Variants in RABGAP1 observed in about 807,000 individuals in gnomAD.
RABGAP1 encodes RAB GTPase activating protein 1, also known as rab GTPase-activating protein 1.
In RABGAP1, 23 loss-of-function variants were observed where a neutral mutation model predicts 137.6. The ratio of observed to expected loss-of-function variants is 0.17; its 90% CI spans 0.12 to 0.24. The LOEUF (loss-of-function observed/expected upper bound fraction) is 0.24, where lower values mean the gene tolerates loss of function less well. Among genes scored for constraint, RABGAP1 ranks in the 10% least tolerant of loss-of-function variants. The probability of loss-of-function intolerance (pLI) is 1.00; values close to 1 mark genes in which losing one functional copy is unlikely to be tolerated. For missense variants in RABGAP1, 906 were observed against 1,275.8 expected, an observed-to-expected ratio of 0.71 and a Z score of 4.42; for synonymous variants, 451 against 450.7, an observed-to-expected ratio of 1.00 and a Z score of -0.01.
rs1036620976 is a variant in RABGAP1, at chr9:123,098,741, C to T, written c.2760C>T (p.Leu920=). The T allele has an allele frequency of 4.3e-6, 7 of 1,613,768 alleles. No homozygotes were observed. In the South Asian group the frequency reaches 4.4e-5, roughly 10 times the overall value. The change falls in exon 23 of 26, where the codon CTC becomes CTT. Residue 920 remains leucine, a synonymous_variant. Coordinates refer to ENST00000373647, the MANE Select transcript of RABGAP1 (RefSeq NM_012197.4). The stretch of plus-strand genomic sequence containing the variant: ...TAAAAGAAATGTGCCGTCGGGAACT[C>T]GACAAGGCAGAATCTGAGATTAAAA... ...AQLKEMCRRE[L]DKAESEIKKN...
At chr9:122,948,530 T>C (rs774490197) in intron 1 of RABGAP1, among the ~76,000 whole-genome samples, 2 of 152,198 alleles carry the variant, frequency 1.3e-5, no homozygotes, top group Non-Finnish European at 2.9e-5. Context: ...GTTCGTACCA[T>C]GTTGGGCATA....
chr9:123,085,853 A>G (rs2034846892), intron 19 of RABGAP1, among the ~76,000 whole-genome samples: 1 of 152,264 alleles, frequency 6.6e-6, no homozygotes, highest in Non-Finnish European at 1.5e-5. Flanking sequence ...GCCACTGCAC[A>G]TAGTAGTGCT....
Position 123,034,976 on chromosome 9 carries a change from A to G in RABGAP1, c.1794+14517A>G, listed in dbSNP as rs565648741. The G allele has an allele frequency of 1.8e-5, 29 of 1,613,608 alleles. No homozygotes were observed. Among genetic ancestry groups the G allele is most frequent in the Non-Finnish European group, 2.3e-5 (27 of 1,179,680 alleles). On this transcript the variant is annotated intron_variant, in intron 13 of 25. Coordinates refer to ENST00000373647, the MANE Select transcript of RABGAP1 (RefSeq NM_012197.4). ...ATTGCCATTACTAAACCTTTAACCT[A>G]TAATACTCTGGTTACACCCTGGAGA...
At chr9:123,073,403 C>A in intron 15 of RABGAP1, 149 bp from the exon 16 acceptor site, 1 of 940,488 alleles carries the variant, frequency 1.1e-6, no homozygotes, top group Non-Finnish European at 1.6e-6. Context: ...GTTTTAAACA[C>A]AACCTTAGGC....
intron 15 of RABGAP1, chr9:123,071,422 T>A (rs2034352772): frequency 6.6e-6 from 1 of 152,260 alleles, no homozygotes; most frequent in African/African-American, 2.4e-5. Flanking sequence ...TTTAAAATGC[T>A]TGGCAAGAAT....
At chr9:123,013,662 C>A (rs1037289813) in intron 11 of RABGAP1, among the ~76,000 whole-genome samples, 1 of 152,036 alleles carries the variant, frequency 6.6e-6, no homozygotes, top group Non-Finnish European at 1.5e-5. Flanking sequence ...CCTTATTCAT[C>A]CATATATAGA....
intron 7 of RABGAP1, 53 bp from the exon 8 acceptor site, chr9:122,996,486 C>T (rs897189711): frequency 1.3e-5 from 20 of 1,501,134 alleles, no homozygotes; most frequent in Admixed American, 2.0e-5. Flanking sequence ...CTAATTTAAA[C>T]GTTCTTTTGT....
At chr9:122,946,390 T>C (rs1273733367) in intron 1 of RABGAP1, among the ~76,000 whole-genome samples, 6 of 152,210 alleles carry the variant, frequency 3.9e-5, no homozygotes. Context: ...TCATTTTCTT[T>C]ATTGTAGATG....
intron 1 of RABGAP1, among the ~76,000 whole-genome samples, chr9:122,950,377 C>CTTTT (rs200424486): frequency 4.8e-3 from 360 of 74,280 alleles, no homozygotes; most frequent in Middle Eastern, 0.014. Flanking sequence ...CTTTTTCTTT[C>CTTTT]TTTTTTTTTT....
upstream of RABGAP1, chr9:122,937,647 G>C (rs1448095567): frequency 6.6e-6 from 1 of 151,438 alleles, no homozygotes; most frequent in Non-Finnish European, 1.5e-5. Context: ...CATGAACAAA[G>C]TCAGGAAAAC....
chr9:122,963,619 C>G (rs952183890), intron 2 of RABGAP1, among the ~76,000 whole-genome samples: 14 of 152,090 alleles, frequency 9.2e-5, no homozygotes, highest in Non-Finnish European at 2.9e-5. Context: ...ACAGCTTAAA[C>G]AGTTCTAAGG....
intron 10 of RABGAP1, among the ~76,000 whole-genome samples, chr9:123,005,005 G>A (rs992954096): frequency 2.2e-5 from 3 of 137,706 alleles, no homozygotes; most frequent in East Asian, 2.2e-4. Flanking sequence ...GCAGTGAGCC[G>A]AGATCGCGCC....
Position 123,020,309 on chromosome 9 carries a change from G to T in RABGAP1, c.1644G>T (p.Trp548Cys). The T allele has an allele frequency of 6.6e-7, 1 of 1,526,130 alleles. No individual in the cohort carries two copies. Among genetic ancestry groups the T allele is most frequent in the Non-Finnish European group, 8.9e-7 (1 of 1,129,030 alleles). The allele number at this position is 1,526,130 out of a possible 1,614,324, so 94.5% of individuals were successfully genotyped here. Residue 548 changes from tryptophan to cysteine, a missense_variant and splice_region_variant, in exon 13 of 26, where the codon TGG becomes TGT. Trp to Cys is a radical substitution (Grantham distance 215). Transcript: ENST00000373647. ...TTATGGTTTATGGCCTTATTTTTAG[G>T]CATCTCAACTTGAATGTGAGACCGA... ...LETWGELLSK[W>C]HLNLNVRPKQ... is the part of the protein sequence containing the mutation.
At chr9:123,067,997 C>CTA (rs1395801288) in intron 14 of RABGAP1, among the ~76,000 whole-genome samples, 1 of 152,106 alleles carries the variant, frequency 6.6e-6, no homozygotes, top group African/African-American at 2.4e-5. Context: ...TACATCAACT[C>CTA]TGTGTTATTA....
intron 10 of RABGAP1, among the ~76,000 whole-genome samples, chr9:123,001,957 C>A (rs768407560): frequency 6.6e-6 from 1 of 152,100 alleles, no homozygotes; most frequent in African/African-American, 2.4e-5. Flanking sequence ...GGGAGAAGAA[C>A]GCATCAGAAA....
chr9:123,081,338 C>G, intron 19 of RABGAP1, among the ~76,000 whole-genome samples: 1 of 152,136 alleles, frequency 6.6e-6, no homozygotes, highest in Non-Finnish European at 1.5e-5. Context: ...TCGTGTTGTT[C>G]AAGGGTTAAC....
intron 19 of RABGAP1, among the ~76,000 whole-genome samples, chr9:123,087,154 C>T (rs1241023125): frequency 6.6e-6 from 1 of 152,056 alleles, no homozygotes; most frequent in African/African-American, 2.4e-5. Flanking sequence ...GAGAATCAAC[C>T]CTATTACTAT....
chr9:122,942,102 G>A (rs917234845), intron 1 of RABGAP1, among the ~76,000 whole-genome samples: 3 of 152,170 alleles, frequency 2.0e-5, no homozygotes, highest in Non-Finnish European at 2.9e-5. Context: ...ATTTACAAAC[G>A]TGTGCCTGGA....
intron 11 of RABGAP1, among the ~76,000 whole-genome samples, chr9:123,012,338 A>G (rs1384486075): frequency 6.6e-6 from 1 of 152,244 alleles, no homozygotes; most frequent in African/African-American, 2.4e-5. Context: ...GTAAAAGTTT[A>G]CATAACTTTC....
Sources: allele counts gnomAD v4.1 joint callset (sites outside exome capture counted in the v4.1 genomes callset), GRCh38; gene constraint gnomAD v4.1.1; transcripts MANE v1.5; gene names NCBI Gene and HGNC (gene_info 2026-07-23, HGNC 2026-07-21).